Variants in WDR86 observed in about 807,000 individuals in gnomAD.
WDR86 encodes WD repeat domain 86, also known as WD repeat-containing protein 86.
WDR86 carries 30 observed loss-of-function variants against 36.5 expected under a neutral mutation model. The observed-to-expected ratio is 0.82, with a 90% confidence interval of 0.61 to 1.11. The LOEUF (loss-of-function observed/expected upper bound fraction) is 1.11, where lower values mean the gene tolerates loss of function less well. Ranked by LOEUF, WDR86 falls within the 50% of genes most tolerant of loss-of-function variation. WDR86 has a pLI of 0.00. For synonymous variants in WDR86, 255 were observed against 252.9 expected (o/e 1.01, Z -0.08); for missense variants, 545 against 561.2 (o/e 0.97, Z 0.29).
At chr7:151,377,090 C>G (rs190514928), downstream of WDR86, 31 of 1,578,946 alleles carry the variant, frequency 2.0e-5, no homozygotes, top group Non-Finnish European at 2.6e-5. Flanking sequence ...AGACAGAGGC[C>G]GTCAATGAGA....
downstream of WDR86, chr7:151,374,383 C>T: frequency 8.7e-7 from 1 of 1,148,764 alleles, no homozygotes; most frequent in Non-Finnish European, 1.3e-6. Flanking sequence ...CAGGTTTCTC[C>T]TGGGCTCCAG....
intron 4 of WDR86, among the ~76,000 whole-genome samples, chr7:151,382,185 C>G (rs1798644852): frequency 6.6e-6 from 1 of 152,180 alleles, no homozygotes; most frequent in South Asian, 2.1e-4. Context: ...TGCCTGCGCG[C>G]CAGCTGGCCC....
intron 3 of WDR86, among the ~76,000 whole-genome samples, chr7:151,393,592 G>A (rs543712768): frequency 1.2e-3 from 183 of 152,262 alleles, no homozygotes; most frequent in African/African-American, 4.3e-3. Context: ...ATGAGGGCGA[G>A]TCACCAGCTC....
At chr7:151,408,620 G>C (rs1800922153) in intron 1 of WDR86, 1 of 260,306 alleles carries the variant, frequency 3.8e-6, no homozygotes, top group Non-Finnish European at 7.8e-6. Context: ...AAAAGCCCGC[G>C]GTGATAAAGA....
chr7:151,394,334 A>G (rs914181577), intron 3 of WDR86, among the ~76,000 whole-genome samples: 2 of 152,058 alleles, frequency 1.3e-5, no homozygotes, highest in East Asian at 3.9e-4. Context: ...GGCCGCCTCT[A>G]CCCCTACAAC....
Position 151,388,600 on chromosome 7 carries a change from G to A in WDR86, c.727-3377C>T, listed in dbSNP as rs977371765. ...GGCTCTGTCCCCACCTGGCTTCTGG[G>A]ACCCCTGAGATCGGTGGCTCAGCCC... On this transcript the variant is annotated intron_variant, in intron 3 of 5. Coordinates refer to ENST00000334493, the MANE Select transcript of WDR86 (RefSeq NM_198285.3). The surrounding 1 kb of genome is among the most constrained non-coding windows in gnomAD (Gnocchi z 4.2). Among the ~76,000 whole-genome samples the A allele has an allele frequency of 6.6e-6, 1 of 152,208 alleles. No individual in the cohort carries two copies. The highest frequency in any genetic ancestry group is 6.5e-5 in the Admixed American group (1 of 15,288).
At position 151,401,750 on chromosome 7, in the gene WDR86, C is replaced by A. The variant is rs1292896449; in HGVS notation, c.164-1509G>T. Among the ~76,000 whole-genome samples the A allele has an allele frequency of 6.6e-6, 1 of 151,762 alleles. No homozygotes were observed. Among genetic ancestry groups the A allele is most frequent in the Admixed American group, 6.6e-5 (1 of 15,236 alleles). On this transcript the variant is annotated intron_variant, in intron 1 of 5. Transcript: ENST00000334493. This position sits in a 1 kb window ranked among gnomAD's most constrained non-coding sequence, Gnocchi z 4.3. ...ATTATCCTAGATTATCCGGGGGGTC[C>A]TAAATACAACCGCAAGTGGCCAGGC...
At chr7:151,410,696 G>T (rs1801145387), upstream of WDR86, 2 of 152,910 alleles carry the variant, frequency 1.3e-5, no homozygotes, top group South Asian at 4.1e-4. Context: ...CATTAGGGCA[G>T]TTCCGGCGCC....
At chr7:151,400,401 G>C (rs1052096836) in intron 1 of WDR86, among the ~76,000 whole-genome samples, 160 bp from the exon 2 acceptor site, 7 of 151,966 alleles carry the variant, frequency 4.6e-5, no homozygotes, top group African/African-American at 1.7e-4. Context: ...TTGTTTTTTT[G>C]AGACAGAGTC....
At chr7:151,397,651 G>T (rs1799929331) in intron 2 of WDR86, among the ~76,000 whole-genome samples, 1 of 131,074 alleles carries the variant, frequency 7.6e-6, no homozygotes, top group African/African-American at 2.8e-5. Context: ...GGCATAGCGG[G>T]AGGAAGGGCA....
At chr7:151,385,401 G>A (rs1052337401) in intron 3 of WDR86, 178 bp from the exon 4 acceptor site, 16 of 1,140,806 alleles carry the variant, frequency 1.4e-5, no homozygotes, top group East Asian at 7.8e-5. Flanking sequence ...AAAAGCAGGC[G>A]GCTGCTCCTG....
At chr7:151,396,345 T>A in intron 2 of WDR86, 149 bp from the exon 3 acceptor site, 1 of 926,210 alleles carries the variant, frequency 1.1e-6, no homozygotes, top group Non-Finnish European at 1.6e-6. Context: ...AAGGTCCAGC[T>A]CAAATCGCCC....
chr7:151,372,891 G>A (rs1798026706), downstream of WDR86, among the ~76,000 whole-genome samples: 1 of 152,170 alleles, frequency 6.6e-6, no homozygotes, highest in Admixed American at 6.5e-5. Flanking sequence ...AGCTGGCGCT[G>A]TGGGCACTCC....
chr7:151,392,393 C>A (rs1485031704), intron 3 of WDR86, among the ~76,000 whole-genome samples: 6 of 152,160 alleles, frequency 3.9e-5, no homozygotes, highest in Non-Finnish European at 5.9e-5. Context: ...CTGAAGGGGA[C>A]TTATGCTGGA....
At chr7:151,387,232 C>T (rs1482667951) in intron 3 of WDR86, among the ~76,000 whole-genome samples, 1 of 152,144 alleles carries the variant, frequency 6.6e-6, no homozygotes, top group Non-Finnish European at 1.5e-5. Context: ...AGCCCCTGCA[C>T]CAAGGAGGCT....
chr7:151,394,742 C>T (rs373566871), intron 3 of WDR86, among the ~76,000 whole-genome samples: 7 of 152,256 alleles, frequency 4.6e-5, no homozygotes, highest in Non-Finnish European at 8.8e-5. Flanking sequence ...AGCCCACGGA[C>T]GGGGCAACTT....
At position 151,409,392 on chromosome 7, in the gene WDR86, G is replaced by A. The variant is rs200698804; in HGVS notation, c.163+35C>T. 5.2e-5 allele frequency: 81 copies of A among 1,552,316 alleles called. No individual in the cohort carries two copies. Among genetic ancestry groups the A allele is most frequent in the Non-Finnish European group, 6.9e-5 (79 of 1,149,602 alleles). Reference sequence around the variant, plus strand: ...CCGCGGTCTGGGGCCGGTGAGCTGCGGCGAAGAGGTCAGGGAGGGAGTGGG... The same window carrying A: ...CCGCGGTCTGGGGCCGGTGAGCTGCAGCGAAGAGGTCAGGGAGGGAGTGGG... On this transcript the variant is annotated intron_variant, in intron 1 of 5. Coordinates refer to ENST00000334493, the MANE Select transcript of WDR86 (RefSeq NM_198285.3). This position sits in a 1 kb window ranked among gnomAD's most constrained non-coding sequence, Gnocchi z 5.2.
chr7:151,395,505 AC>A (rs1799749149), intron 3 of WDR86, among the ~76,000 whole-genome samples: 1 of 48,466 alleles, frequency 2.1e-5, no homozygotes, highest in African/African-American at 4.7e-5. Context: ...ACACACACAC[AC>A]ACACACACAC....
At chr7:151,408,818 G>C (rs929242580) in intron 1 of WDR86, 1 of 448,896 alleles carries the variant, frequency 2.2e-6, no homozygotes, top group African/African-American at 2.0e-5. Flanking sequence ...ATGCAGGCAG[G>C]GTTTACAGCA....
Sources: allele counts gnomAD v4.1 joint callset (sites outside exome capture counted in the v4.1 genomes callset), GRCh38; gene constraint gnomAD v4.1.1; non-coding constraint Gnocchi (gnomAD v3.1); transcripts MANE v1.5; gene names NCBI Gene and HGNC (gene_info 2026-07-23, HGNC 2026-07-21).